The following FRMD4A variants were observed in gnomAD, a reference collection of about 807,000 sequenced individuals.
FRMD4A encodes FERM domain-containing protein 4A.
Under a neutral mutation model 129.1 loss-of-function variants are expected in FRMD4A, and 29 were observed. The observed-to-expected ratio is 0.22, with a 90% CI of 0.17 to 0.31. FRMD4A has a LOEUF of 0.31. FRMD4A is among the 10% of genes least tolerant of loss of function. The probability of loss-of-function intolerance (pLI) is 1.00; values close to 1 mark genes in which losing one functional copy is unlikely to be tolerated. For synonymous variants in FRMD4A, 634 were observed against 571.6 expected, an observed-to-expected ratio of 1.11 and a Z score of -1.56; for missense variants, 1,272 against 1,375.8, an observed-to-expected ratio of 0.92 and a Z score of 1.19.
chr10:13,729,184 A>G (rs555855661), intron 12 of FRMD4A, among the ~76,000 whole-genome samples: 1 of 61,420 alleles, frequency 1.6e-5, no homozygotes, highest in Non-Finnish European at 4.2e-5. Flanking sequence ...TGAAAGAATG[A>G]TAACATACGA....
intron 2 of FRMD4A, among the ~76,000 whole-genome samples, chr10:14,199,916 ATATAT>A (rs1017405381): frequency 6.6e-6 from 1 of 150,808 alleles, no homozygotes; most frequent in African/African-American, 2.4e-5. Context: ...GCAAATAATC[ATATAT>A]TATATATTTA....
At chr10:14,099,394 C>A (rs1471661681) in intron 2 of FRMD4A, among the ~76,000 whole-genome samples, 2 of 152,208 alleles carry the variant, frequency 1.3e-5, no homozygotes, top group Non-Finnish European at 2.9e-5. Flanking sequence ...ATAGCTATGA[C>A]TTCTCAAACA....
intron 2 of FRMD4A, among the ~76,000 whole-genome samples, chr10:14,061,168 C>T (rs1009877180): frequency 6.6e-6 from 1 of 152,126 alleles, no homozygotes; most frequent in African/African-American, 2.4e-5. Flanking sequence ...CACATTTAGG[C>T]CGGGCGTAGT....
At chr10:13,881,990 G>GGT (rs71388128) in intron 2 of FRMD4A, among the ~76,000 whole-genome samples, 78 of 15,628 alleles carry the variant, frequency 5.0e-3, no homozygotes, top group African/African-American at 7.3e-3. Flanking sequence ...GAGAGGCAAG[G>GGT]GTGTGTGTGT....
At chr10:13,728,831 C>G (rs2090112746) in intron 12 of FRMD4A, among the ~76,000 whole-genome samples, 1 of 152,040 alleles carries the variant, frequency 6.6e-6, no homozygotes, top group Non-Finnish European at 1.5e-5. Context: ...CTCAGCCTCC[C>G]AAAGTGCTGG....
intron 2 of FRMD4A, among the ~76,000 whole-genome samples, chr10:14,178,960 A>G (rs1277494429): frequency 2.0e-5 from 3 of 152,072 alleles, no homozygotes; most frequent in Non-Finnish European, 4.4e-5. Flanking sequence ...CTCTTAGCAA[A>G]TGCCCTTGCC....
chr10:14,167,538 C>CA (rs59290414), intron 2 of FRMD4A, among the ~76,000 whole-genome samples: 24,270 of 57,604 alleles, frequency 0.42, 5,100 homozygotes, highest in East Asian at 0.54. Context: ...CTCCGTCTCT[C>CA]AAAAAAAAAA....
intron 15 of FRMD4A, among the ~76,000 whole-genome samples, chr10:13,689,202 G>GT (rs1179284432): frequency 3.0e-5 from 1 of 33,376 alleles, no homozygotes; most frequent in Non-Finnish European, 5.8e-5. Context: ...TCTTTGCGGG[G>GT]GGGGGGGGGG....
At chr10:13,931,963 C>CAACT (rs777069084) in intron 2 of FRMD4A, among the ~76,000 whole-genome samples, 117 of 151,848 alleles carry the variant, frequency 7.7e-4, no homozygotes, top group Middle Eastern at 3.4e-3. Flanking sequence ...ACCAACCAAC[C>CAACT]AACCAACCAA....
At chr10:14,283,785 G>C (rs763964622) in intron 2 of FRMD4A, among the ~76,000 whole-genome samples, 2 of 152,156 alleles carry the variant, frequency 1.3e-5, no homozygotes, top group Non-Finnish European at 2.9e-5. Context: ...ATACCCAATC[G>C]TGGGCAAGTT....
At chr10:14,209,988 A>G (rs1243533765) in intron 2 of FRMD4A, among the ~76,000 whole-genome samples, 1 of 152,204 alleles carries the variant, frequency 6.6e-6, no homozygotes, top group Admixed American at 6.5e-5. Context: ...AGTGACAAAG[A>G]GAGAAGGAAG....
Position 13,918,375 on chromosome 10 carries a change from C to T in FRMD4A, c.46-59463G>A, listed in dbSNP as rs59141502. ...TTATGAACAAGCAGTAAAAATGTCA[C>T]GTAGAATTTTAGAAACTTGAACTTT... On this transcript the variant is annotated intron_variant, in intron 2 of 24. Transcript: ENST00000357447. 0.013 allele frequency among the ~76,000 whole-genome samples: 1,916 copies of T among 152,234 alleles called. 95 individuals are homozygous for T. The East Asian group carries it at 0.17, about 14-fold the overall frequency.
At chr10:13,666,704 C>A (rs1229331090) in intron 17 of FRMD4A, among the ~76,000 whole-genome samples, 4 of 152,032 alleles carry the variant, frequency 2.6e-5, no homozygotes, top group Non-Finnish European at 4.4e-5. Context: ...ATGTAGGATG[C>A]AGCAGGATTT....
chr10:13,654,315 C>T (rs771345804), intron 23 of FRMD4A, 101 bp downstream of exon 23: 2 of 830,416 alleles, frequency 2.4e-6, no homozygotes, highest in Non-Finnish European at 4.2e-6. Flanking sequence ...GTGATGAACC[C>T]TCATCATCCA....
intron 2 of FRMD4A, among the ~76,000 whole-genome samples, chr10:13,861,891 T>C (rs2094299895): frequency 6.6e-6 from 1 of 152,238 alleles, no homozygotes; most frequent in South Asian, 2.1e-4. Flanking sequence ...TTTACCAAAA[T>C]GTATAAATGA....
chr10:14,069,023 G>C (rs947955158), intron 2 of FRMD4A, among the ~76,000 whole-genome samples: 2 of 151,474 alleles, frequency 1.3e-5, no homozygotes, highest in Admixed American at 1.3e-4. Context: ...TGGCTCTCTT[G>C]TTTCCAACAC....
intron 19 of FRMD4A, among the ~76,000 whole-genome samples, chr10:13,663,116 G>C (rs936661185): frequency 1.3e-5 from 2 of 151,648 alleles, no homozygotes; most frequent in Non-Finnish European, 2.9e-5. Flanking sequence ...CTTGAGCCTA[G>C]GAGGCAGAGG....
chr10:13,884,309 A>G (rs2094593729), intron 2 of FRMD4A, among the ~76,000 whole-genome samples: 1 of 151,964 alleles, frequency 6.6e-6, no homozygotes, highest in African/African-American at 2.4e-5. Flanking sequence ...TGCATTAATG[A>G]CTTGGGTGGA....
chr10:13,744,218 G>T (rs1276329503), intron 9 of FRMD4A, among the ~76,000 whole-genome samples: 1 of 152,088 alleles, frequency 6.6e-6, no homozygotes, highest in East Asian at 1.9e-4. Context: ...TTATTGAGGC[G>T]ATAGGGGTGG....
Sources: gnomAD v4.1 joint callset for allele counts (sites outside exome capture counted in the v4.1 genomes callset) on GRCh38, gnomAD v4.1.1 for gene constraint, MANE v1.5 for transcripts, NCBI Gene and HGNC (gene_info 2026-07-23, HGNC 2026-07-21) for gene names.